Variants in CSNK2A2IP observed in about 807,000 individuals in gnomAD.
The protein encoded by CSNK2A2IP is casein kinase 2 subunit alpha' interacting protein, also known as casein kinase II subunit alpha'-interacting protein.
At chr3:88,385,155 T>A in the CSNK2A2IP span, among the ~76,000 whole-genome samples, 4 of 152,244 alleles carry the variant, frequency 2.6e-5, no homozygotes, top group South Asian at 6.2e-4. Flanking sequence ...TGACTCAAGG[T>A]AGAATCCTGA....
the CSNK2A2IP span, among the ~76,000 whole-genome samples, chr3:88,395,213 A>G: frequency 1.3e-5 from 2 of 152,136 alleles, no homozygotes; most frequent in Admixed American, 6.6e-5. Flanking sequence ...ATGAATTCCA[A>G]TTATCAATTT....
the CSNK2A2IP span, among the ~76,000 whole-genome samples, chr3:88,355,928 G>A: frequency 2.0e-5 from 3 of 152,082 alleles, no homozygotes; most frequent in East Asian, 5.8e-4. Flanking sequence ...ATAGTTAACC[G>A]ATGCTCTTTA....
chr3:88,350,342 C>A, the CSNK2A2IP span, among the ~76,000 whole-genome samples: 7 of 152,108 alleles, frequency 4.6e-5, no homozygotes, highest in African/African-American at 1.7e-4. Flanking sequence ...TTTAACCCCT[C>A]ATGAAGACTT....
At chr3:88,410,929 A>T in the CSNK2A2IP span, among the ~76,000 whole-genome samples, 22 of 152,130 alleles carry the variant, frequency 1.4e-4, 1 homozygote, top group East Asian at 3.9e-3. Flanking sequence ...TCACCAAAAT[A>T]TAAAGTGATT....
chr3:88,400,009 A>G, the CSNK2A2IP span, among the ~76,000 whole-genome samples: 2 of 152,226 alleles, frequency 1.3e-5, no homozygotes, highest in African/African-American at 2.4e-5. Flanking sequence ...TAATAGAAGC[A>G]TCATAAAATG....
At chr3:88,444,771 T>C in the CSNK2A2IP span, among the ~76,000 whole-genome samples, 311 of 152,324 alleles carry the variant, frequency 2.0e-3, 1 homozygote, top group Middle Eastern at 0.017. Flanking sequence ...AAATTATCCA[T>C]TGGAGGCTAC....
the CSNK2A2IP span, chr3:88,465,489 C>T: frequency 2.4e-6 from 3 of 1,231,572 alleles, no homozygotes; most frequent in South Asian, 4.1e-5. Flanking sequence ...AACCTATGGC[C>T]AAAGTGCAAT....
chr3:88,379,999 A>T, the CSNK2A2IP span, among the ~76,000 whole-genome samples: 1 of 152,150 alleles, frequency 6.6e-6, no homozygotes, highest in African/African-American at 2.4e-5. Context: ...TATTTGTAAG[A>T]TTCCATTTCA....
the CSNK2A2IP span, among the ~76,000 whole-genome samples, chr3:88,386,714 CAT>C: frequency 2.6e-5 from 4 of 152,128 alleles, no homozygotes; most frequent in South Asian, 2.1e-4. Flanking sequence ...GGAAGAAAAA[CAT>C]GTGGTGGTTA....
At chr3:88,404,491 A>G in the CSNK2A2IP span, among the ~76,000 whole-genome samples, 1 of 152,200 alleles carries the variant, frequency 6.6e-6, no homozygotes, top group Admixed American at 6.6e-5. Context: ...ATAAGTTTAC[A>G]TGAAAATAGT....
the CSNK2A2IP span, among the ~76,000 whole-genome samples, chr3:88,456,970 C>T: frequency 2.0e-5 from 3 of 151,964 alleles, no homozygotes; most frequent in African/African-American, 7.2e-5. Context: ...AACCCTTCAC[C>T]CAGATTTTTC....
At chr3:88,414,270 GTTTTTTTTTT>G in the CSNK2A2IP span, among the ~76,000 whole-genome samples, 3 of 64,106 alleles carry the variant, frequency 4.7e-5, no homozygotes, top group Non-Finnish European at 7.8e-5. Flanking sequence ...TACCAACAAA[GTTTTTTTTTT>G]TTTTTTTTTT....
chr3:88,412,658 G>T, the CSNK2A2IP span, among the ~76,000 whole-genome samples: 2 of 151,942 alleles, frequency 1.3e-5, no homozygotes, highest in Non-Finnish European at 2.9e-5. Context: ...GTAGTTAGGA[G>T]CTTTCATTGT....
chr3:88,463,965 T>C, the CSNK2A2IP span, among the ~76,000 whole-genome samples: 4 of 151,966 alleles, frequency 2.6e-5, no homozygotes, highest in East Asian at 1.9e-4. Flanking sequence ...TGGAATATTA[T>C]GCATGATAAT....
chr3:88,441,138 G>T, the CSNK2A2IP span, among the ~76,000 whole-genome samples: 1 of 152,144 alleles, frequency 6.6e-6, no homozygotes, highest in Non-Finnish European at 1.5e-5. Context: ...ATTAGCAAAA[G>T]TAACTCCTAT....
the CSNK2A2IP span, among the ~76,000 whole-genome samples, chr3:88,376,911 C>T: frequency 1.3e-5 from 2 of 151,732 alleles, no homozygotes; most frequent in Non-Finnish European, 2.9e-5. Flanking sequence ...TTCTTTTTTG[C>T]AACTCTTTTG....
chr3:88,418,463 T>TGTGTGTGTGTGCGC, the CSNK2A2IP span, among the ~76,000 whole-genome samples: 1 of 149,536 alleles, frequency 6.7e-6, no homozygotes, highest in African/African-American at 2.5e-5. Context: ...TGTGTGTGTG[T>TGTGTGTGTGTGCGC]GCGCGCGGGC....
chr3:88,383,725 G>A, the CSNK2A2IP span, among the ~76,000 whole-genome samples: 2 of 143,464 alleles, frequency 1.4e-5, no homozygotes, highest in Non-Finnish European at 1.5e-5. Context: ...GCGCAGTGGC[G>A]CGATCTCAGC....
chr3:88,388,623 G>A, the CSNK2A2IP span, among the ~76,000 whole-genome samples: 1 of 152,116 alleles, frequency 6.6e-6, no homozygotes, highest in Non-Finnish European at 1.5e-5. Context: ...AAAAAAGTTG[G>A]TTTATTAACA....
Sources: gnomAD v4.1 joint callset for allele counts (sites outside exome capture counted in the v4.1 genomes callset) on GRCh38, gnomAD v4.1.1 for gene constraint, MANE v1.5 for transcripts, NCBI Gene and HGNC (gene_info 2026-07-23, HGNC 2026-07-21) for gene names.